CLPB: variants seen among roughly 807,000 people sequenced by gnomAD.
The protein encoded by CLPB is mitochondrial disaggregase.
A neutral mutation model predicts 78.4 loss-of-function variants in CLPB; 40 were observed. The ratio of observed to expected loss-of-function variants is 0.51; its 90% confidence interval spans 0.40 to 0.66. The LOEUF is 0.66. Ranked by LOEUF, CLPB falls within the 30% of genes least tolerant of loss-of-function variation. The pLI is 0.00. For synonymous variants in CLPB, 333 were observed against 348.0 expected (o/e 0.96, Z 0.48); for missense variants, 780 against 886.9 (o/e 0.88, Z 1.53).
At chr11:72,297,702 T>TGTGTGTGTGTGTGTGTGAGA (rs1464583884) in intron 11 of CLPB, among the ~76,000 whole-genome samples, 1 of 129,658 alleles carries the variant, frequency 7.7e-6, no homozygotes, top group African/African-American at 2.8e-5. Context: ...TGTGTGTGTG[T>TGTGTGTGTGTGTGTGTGAGA]GACATGTCCA....
chr11:72,376,680 TTTTTG>T (rs564008409), intron 4 of CLPB, among the ~76,000 whole-genome samples: 88 of 152,086 alleles, frequency 5.8e-4, no homozygotes, highest in Non-Finnish European at 1.1e-3. Context: ...TTTGTTTTTG[TTTTTG>T]TTTTGAGACA....
At chr11:72,373,889 G>A (rs1951089605) in intron 4 of CLPB, among the ~76,000 whole-genome samples, 1 of 150,154 alleles carries the variant, frequency 6.7e-6, no homozygotes, top group Admixed American at 6.7e-5. Flanking sequence ...GAACCCAGGA[G>A]GCAGAGGTTG....
chr11:72,406,411 A>G (rs1342229775), intron 2 of CLPB, among the ~76,000 whole-genome samples: 1 of 152,192 alleles, frequency 6.6e-6, no homozygotes, highest in Non-Finnish European at 1.5e-5. Flanking sequence ...AAATGGATGA[A>G]TAAAGGGCAT....
rs758030499 is a variant in CLPB, at chr11:72,301,832, G to A, written c.1300C>T (p.Leu434Phe). 3.7e-6 allele frequency: 6 copies of A among 1,614,182 alleles called. No individual in the cohort carries two copies. Among genetic ancestry groups the A allele is most frequent in the Non-Finnish European group, 4.2e-6 (5 of 1,180,032 alleles). ...TCAAACAGCTGCAGCATGATGGTGA[G>A]CACATCTGGATGGGCCTTGTCTACT... ...DEVDKAHPDV[L>F]TIMLQLFDEG... Residue 434 changes from leucine to phenylalanine, a missense_variant, in exon 11 of 16, where the codon CTC (leucine) becomes TTC (phenylalanine). By Grantham distance (22) the Leu-to-Phe change is conservative. Transcript: ENST00000538039.
intron 5 of CLPB, among the ~76,000 whole-genome samples, chr11:72,345,391 TAA>T (rs1361698056): frequency 1.3e-5 from 2 of 152,238 alleles, no homozygotes; most frequent in Non-Finnish European, 2.9e-5. Context: ...GAAATATTGT[TAA>T]GTTAAAAAAG....
rs142617230 is a variant in CLPB, at chr11:72,407,384, T to A, written c.456-4332A>T. Among the ~76,000 whole-genome samples the A allele has an allele frequency of 3.4e-4, 52 of 152,362 alleles. 1 individual carries two copies. The East Asian group carries it at 9.2e-3, about 27-fold the overall frequency. On this transcript the variant is annotated intron_variant, in intron 2 of 15. Coordinates refer to ENST00000538039, the MANE Select transcript of CLPB (RefSeq NM_001258392.3). Reference sequence around the variant, plus strand: ...AATGGGTGGGTGTAAAGGGCTATTATATTATTGTTTTATCTTGCATGTCTC... The same window carrying A: ...AATGGGTGGGTGTAAAGGGCTATTAAATTATTGTTTTATCTTGCATGTCTC...
At position 72,290,164 on chromosome 11, in the gene CLPB, G is replaced by C. The variant is rs761978650; in HGVS notation, c.*3203C>G. 1 of 152,182 alleles carries C rather than the reference G, an allele frequency of 6.6e-6. No homozygotes were observed. Among genetic ancestry groups the C allele is most frequent in the Non-Finnish European group, 1.5e-5 (1 of 68,038 alleles). 9.4% of individuals were successfully genotyped at this position (152,182 alleles called of 1,614,324 possible). A position where few individuals can be genotyped will look rare whatever the true frequency, so the allele number is the denominator to read the frequency against. On this transcript the variant is annotated 3_prime_UTR_variant, in exon 16 of 16. Transcript: ENST00000538039. The stretch of plus-strand genomic sequence containing the variant: ...GCCAGGGCTGAGATAGGGAAAATGT[G>C]AGGAAGCCTGAAACATCTTGTGGTG...
At chr11:72,317,825 G>C (rs1334925673) in intron 6 of CLPB, among the ~76,000 whole-genome samples, 1 of 152,220 alleles carries the variant, frequency 6.6e-6, no homozygotes, top group Non-Finnish European at 1.5e-5. Flanking sequence ...GTGCCCCGTT[G>C]CCTGGGAGGT....
At chr11:72,357,821 G>C (rs1950749308) in intron 5 of CLPB, among the ~76,000 whole-genome samples, 1 of 152,070 alleles carries the variant, frequency 6.6e-6, no homozygotes, top group Non-Finnish European at 1.5e-5. Flanking sequence ...CTGGAAGAGA[G>C]GCAGGCAATC....
At chr11:72,319,115 G>A (rs1950001198) in intron 6 of CLPB, among the ~76,000 whole-genome samples, 1 of 152,156 alleles carries the variant, frequency 6.6e-6, no homozygotes, top group Non-Finnish European at 1.5e-5. Flanking sequence ...CTGGGCCTTT[G>A]CTGACACTAT....
intron 3 of CLPB, 117 bp from the exon 4 acceptor site, chr11:72,380,501 GT>G (rs1433629544): frequency 1.3e-6 from 1 of 753,700 alleles, no homozygotes; most frequent in African/African-American, 1.8e-5. Flanking sequence ...GAGTGATACG[GT>G]GGGAAAAAAA....
intron 2 of CLPB, among the ~76,000 whole-genome samples, chr11:72,426,717 A>G (rs1315551857): frequency 1.3e-5 from 2 of 152,238 alleles, no homozygotes; most frequent in Non-Finnish European, 2.9e-5. Context: ...GTGCTGTGGA[A>G]CAGGGTAAAA....
At chr11:72,361,231 G>A (rs1483110100) in intron 4 of CLPB, among the ~76,000 whole-genome samples, 1 of 152,204 alleles carries the variant, frequency 6.6e-6, no homozygotes, top group Non-Finnish European at 1.5e-5. Flanking sequence ...AATGGTCAAT[G>A]AGCCTTCTAC....
intron 4 of CLPB, among the ~76,000 whole-genome samples, chr11:72,376,285 A>G (rs2135667014): frequency 6.6e-6 from 1 of 152,354 alleles, no homozygotes; most frequent in South Asian, 2.1e-4. Flanking sequence ...GGTGCCTTGC[A>G]TACAATTGGC....
At chr11:72,307,369 T>C in intron 8 of CLPB, 115 bp from the exon 9 acceptor site, 1 of 902,878 alleles carries the variant, frequency 1.1e-6, no homozygotes, top group Non-Finnish European at 1.8e-6. Context: ...GATGAGAATG[T>C]TGAGGCGCAG....
intron 2 of CLPB, among the ~76,000 whole-genome samples, chr11:72,421,543 G>A (rs927859993): frequency 6.6e-5 from 10 of 152,308 alleles, no homozygotes; most frequent in Middle Eastern, 6.8e-3. Context: ...GATGAGACAA[G>A]TATCATCAAA....
intron 3 of CLPB, among the ~76,000 whole-genome samples, chr11:72,384,638 T>C (rs1254658495): frequency 6.6e-6 from 1 of 152,176 alleles, no homozygotes; most frequent in Non-Finnish European, 1.5e-5. Flanking sequence ...TACTGTATGT[T>C]ACCTACAAGA....
chr11:72,365,248 G>A (rs1021975247), intron 4 of CLPB, among the ~76,000 whole-genome samples: 8 of 152,150 alleles, frequency 5.3e-5, no homozygotes, highest in Non-Finnish European at 1.2e-4. Flanking sequence ...CTTAAGCCCA[G>A]GAAGTCAATG....
intron 5 of CLPB, among the ~76,000 whole-genome samples, chr11:72,337,442 C>T (rs959143010): frequency 1.4e-4 from 21 of 152,168 alleles, no homozygotes; most frequent in Admixed American, 2.6e-4. Flanking sequence ...TTAACTGAGT[C>T]TAGCAGAAGA....
Sources: gnomAD v4.1 joint callset for allele counts (sites outside exome capture counted in the v4.1 genomes callset) on GRCh38, gnomAD v4.1.1 for gene constraint, MANE v1.5 for transcripts, NCBI Gene and HGNC (gene_info 2026-07-23, HGNC 2026-07-21) for gene names.